Variants in MTTP observed in about 807,000 individuals in gnomAD.
MTTP encodes the protein microsomal triglyceride transfer protein large subunit.
A neutral mutation model predicts 90.6 loss-of-function variants in MTTP; 49 were observed. The observed-to-expected ratio is 0.54, with a 90% confidence interval of 0.43 to 0.69. The LOEUF (loss-of-function observed/expected upper bound fraction) is 0.69, where lower values mean the gene tolerates loss of function less well. Among genes scored for constraint, MTTP ranks in the 30% least tolerant of loss-of-function variants. MTTP has a pLI of 0.00. For synonymous variants in MTTP, 347 were observed against 384.2 expected (o/e 0.90, Z 1.13); for missense variants, 945 against 1,067.5 (o/e 0.89, Z 1.60).
rs890665382 is a variant in MTTP, at chr4:99,581,916, G to T, written c.73G>T (p.Gly25Cys). The T allele has an allele frequency of 6.2e-7, 1 of 1,614,066 alleles. No homozygotes were observed. The highest frequency in any genetic ancestry group is 8.5e-7 in the Non-Finnish European group (1 of 1,179,960). ...YSASVKGHTT[G>C]LSLNNDRLYK... ...TTATCTTTATGCAGGTCACACAACT[G>T]GTCTCTCATTAAATAATGACCGGCT... is the stretch of plus-strand genomic sequence containing the variant. Residue 25 changes from glycine to cysteine, a missense_variant, in exon 2 of 18, where the codon GGT (glycine) becomes TGT (cysteine). Coordinates refer to ENST00000265517, the MANE Select transcript of MTTP (RefSeq NM_001386140.1).
In MTTP at chr4:99,591,223, C is replaced by T. The variant is rs200628118; in HGVS notation, c.502-12C>T. On this transcript the variant is annotated splice_polypyrimidine_tract_variant and intron_variant, in intron 4 of 17. Coordinates refer to ENST00000265517, the MANE Select transcript of MTTP (RefSeq NM_001386140.1). ...GGAATCCCAAGCATTATGCCCTTGC[C>T]TTTCTTTTTAGGTAGATATCTCTGG... The T allele has an allele frequency of 7.5e-4, 1,173 of 1,572,174 alleles. 1 individual carries two copies. The highest frequency in any genetic ancestry group is 9.6e-4 in the Non-Finnish European group (1,094 of 1,142,288).
intron 1 of MTTP, among the ~76,000 whole-genome samples, chr4:99,576,389 T>C (rs1724958020): frequency 6.6e-6 from 1 of 152,208 alleles, no homozygotes; most frequent in Non-Finnish European, 1.5e-5. Context: ...CCTCATGTTT[T>C]CAAATATACT....
intron 13 of MTTP, 34 bp downstream of exon 13, chr4:99,611,274 C>T: frequency 1.2e-6 from 2 of 1,613,824 alleles, no homozygotes; most frequent in African/African-American, 1.3e-5. Context: ...TCCTTCCATA[C>T]CCCACAACTT....
chr4:99,569,983 T>A (rs1453937772), upstream of MTTP, among the ~76,000 whole-genome samples: 1 of 151,960 alleles, frequency 6.6e-6, no homozygotes, highest in Admixed American at 6.6e-5. Flanking sequence ...ATCCAAATTT[T>A]CACTATACCA....
intron 3 of MTTP, 95 bp from the exon 4 acceptor site, chr4:99,589,548 T>C: frequency 1.3e-6 from 1 of 756,032 alleles, no homozygotes; most frequent in East Asian, 2.7e-5. Context: ...CCAGGATTAA[T>C]ACAGGTAAGA....
chr4:99,596,210 A>G (rs1288644773), intron 7 of MTTP, among the ~76,000 whole-genome samples: 1 of 152,182 alleles, frequency 6.6e-6, no homozygotes, highest in African/African-American at 2.4e-5. Flanking sequence ...TCCATTGCTT[A>G]TTAAAAGTAA....
At chr4:99,616,770 T>C (rs1475105669) in intron 15 of MTTP, among the ~76,000 whole-genome samples, 1 of 152,154 alleles carries the variant, frequency 6.6e-6, no homozygotes, top group Non-Finnish European at 1.5e-5. Context: ...TGTAAGGAAG[T>C]AGAATTTTCC....
intron 11 of MTTP, 118 bp downstream of exon 11, chr4:99,607,078 T>C (rs1725836749): frequency 3.4e-6 from 3 of 879,212 alleles, no homozygotes; most frequent in Non-Finnish European, 5.3e-6. Context: ...TAGTCTTCTC[T>C]CCTGCTTAAA....
chr4:99,588,568 A>G (rs988011640), intron 3 of MTTP, among the ~76,000 whole-genome samples: 24 of 151,844 alleles, frequency 1.6e-4, no homozygotes, highest in African/African-American at 5.1e-4. Context: ...CTGCCAAATC[A>G]TAGTCACCCT....
At chr4:99,592,590 G>T in intron 6 of MTTP, among the ~76,000 whole-genome samples, 1 of 142,550 alleles carries the variant, frequency 7.0e-6, no homozygotes, top group African/African-American at 2.7e-5. Flanking sequence ...TATTAGCCTC[G>T]GCCTACACAA....
intron 1 of MTTP, among the ~76,000 whole-genome samples, chr4:99,578,481 A>G (rs1243007013): frequency 6.6e-6 from 1 of 152,240 alleles, no homozygotes; most frequent in African/African-American, 2.4e-5. Flanking sequence ...ACTCTAGCAC[A>G]GTCCACCTTA....
upstream of MTTP, among the ~76,000 whole-genome samples, chr4:99,571,678 G>A (rs930694176): frequency 2.6e-5 from 4 of 151,710 alleles, no homozygotes; most frequent in East Asian, 1.9e-4. Flanking sequence ...TTATTTTCTC[G>A]TAGAGAATTT....
At chr4:99,620,724 A>T (rs745856275) in intron 16 of MTTP, among the ~76,000 whole-genome samples, 1 of 152,156 alleles carries the variant, frequency 6.6e-6, no homozygotes, top group African/African-American at 2.4e-5. Context: ...GGTATTTCTG[A>T]CCTGCTGAGA....
At chr4:99,588,351 T>A (rs1419076033) in intron 3 of MTTP, among the ~76,000 whole-genome samples, 1 of 152,152 alleles carries the variant, frequency 6.6e-6, no homozygotes, top group African/African-American at 2.4e-5. Flanking sequence ...ACAGGGAACA[T>A]GTATCTATCC....
intron 6 of MTTP, 123 bp downstream of exon 6, chr4:99,591,913 C>T: frequency 1.1e-6 from 1 of 880,346 alleles, no homozygotes; most frequent in East Asian, 2.7e-5. Flanking sequence ...CATTGCTTAA[C>T]AATGGGAATA....
chr4:99,580,614 A>T (rs933335253), intron 1 of MTTP, among the ~76,000 whole-genome samples: 1 of 147,806 alleles, frequency 6.8e-6, no homozygotes, highest in Non-Finnish European at 1.5e-5. Flanking sequence ...TCATGTCTCT[A>T]TGATGAATTA....
At chr4:99,594,626 T>C in intron 6 of MTTP, 107 bp from the exon 7 acceptor site, 1 of 1,344,186 alleles carries the variant, frequency 7.4e-7, no homozygotes, top group Non-Finnish European at 1.1e-6. Context: ...CATGGCTATA[T>C]ACAACTTGAA....
At chr4:99,581,499 G>C (rs994093175) in intron 1 of MTTP, among the ~76,000 whole-genome samples, 1 of 152,030 alleles carries the variant, frequency 6.6e-6, no homozygotes, top group Non-Finnish European at 1.5e-5. Flanking sequence ...GCATTGATCT[G>C]CTTGCATTTA....
At position 99,606,791 on chromosome 4, in the gene MTTP, A is replaced by C. The variant is rs201800519; in HGVS notation, c.1388A>C (p.Lys463Thr). ...AAGTTAATCCTGGGAGGACTTGAAA[A>C]AGCAGAGAAAAAAGAGGACACCAGG... ...AKKLILGGLE[K>T]AEKKEDTRMY... The change falls in exon 11 of 18, where the codon AAA becomes ACA. Residue 463 changes from lysine to threonine, a missense_variant. Coordinates refer to ENST00000265517, the MANE Select transcript of MTTP (RefSeq NM_001386140.1). The C allele has an allele frequency of 3.9e-5, 63 of 1,614,024 alleles. No individual in the cohort carries two copies. Among genetic ancestry groups the C allele is most frequent in the Non-Finnish European group, 5.1e-5 (60 of 1,180,000 alleles).
Sources: gnomAD v4.1 joint callset for allele counts (sites outside exome capture counted in the v4.1 genomes callset) on GRCh38, gnomAD v4.1.1 for gene constraint, MANE v1.5 for transcripts, NCBI Gene and HGNC (gene_info 2026-07-23, HGNC 2026-07-21) for gene names.